CAP2: variants seen among roughly 807,000 people sequenced by gnomAD.
CAP2 encodes cyclase associated actin cytoskeleton regulatory protein 2.
In CAP2, 24 loss-of-function variants were observed where a neutral mutation model predicts 57.7. The observed-to-expected ratio is 0.42, with a 90% CI of 0.30 to 0.58. The LOEUF (loss-of-function observed/expected upper bound fraction) is 0.58. Ranked by LOEUF, CAP2 falls within the 20% of genes least tolerant of loss-of-function variation. The pLI is 0.22. For missense variants in CAP2, 501 were observed against 590.3 expected (o/e 0.85, Z 1.57); for synonymous variants, 194 against 207.2 (o/e 0.94, Z 0.55).
chr6:17,486,294 G>C (rs1451480054), intron 4 of CAP2, among the ~76,000 whole-genome samples: 2 of 152,206 alleles, frequency 1.3e-5, no homozygotes, highest in African/African-American at 4.8e-5. Flanking sequence ...ATTTTCTCAA[G>C]GGAAAAACCT....
chr6:17,406,852 G>T (rs1758992597), intron 1 of CAP2, among the ~76,000 whole-genome samples: 1 of 152,082 alleles, frequency 6.6e-6, no homozygotes, highest in African/African-American at 2.4e-5. Context: ...CCCCTTTCCA[G>T]TTCCTCTGGC....
rs773266583 is a variant in CAP2 at position 17,438,433 on chromosome 6, G to GTTTTTTTTTTTTTTTTTTT, written c.222+11748_222+11766dup. Among the ~76,000 whole-genome samples the GTTTTTTTTTTTTTTTTTTT allele has an allele frequency of 3.4e-5, 2 of 58,374 alleles. 1 individual carries two copies. Among genetic ancestry groups the GTTTTTTTTTTTTTTTTTTT allele is most frequent in the African/African-American group, 2.0e-4 (2 of 9,978 alleles). The allele number at this position is 58,374 out of a possible 152,430, so 38.3% of individuals were successfully genotyped here. A position where few individuals can be genotyped will look rare whatever the true frequency, so the allele number is the denominator to read the frequency against. ...TTTGCTTGTTTGACCATCCAGAAGTGTTTTTTTTTTTTTTTTTTTTTTTGA... is the reference window on the plus strand; with the variant it reads ...TTTGCTTGTTTGACCATCCAGAAGTGTTTTTTTTTTTTTTTTTTTTTTTTTTTTTTTTTTTTTTTTTTGA... On this transcript the variant is annotated intron_variant, in intron 3 of 12. Transcript: ENST00000229922.
chr6:17,504,082 T>C (rs1280525377), intron 4 of CAP2, among the ~76,000 whole-genome samples: 2 of 152,198 alleles, frequency 1.3e-5, no homozygotes, highest in East Asian at 3.8e-4. Flanking sequence ...TCAGCATATG[T>C]CAGTTAGGAA....
At chr6:17,530,410 A>G (rs1581599460) in intron 7 of CAP2, among the ~76,000 whole-genome samples, 1 of 152,148 alleles carries the variant, frequency 6.6e-6, no homozygotes, top group African/African-American at 2.4e-5. Context: ...TTTAAAGTGT[A>G]TGATTGGAGA....
intron 4 of CAP2, among the ~76,000 whole-genome samples, chr6:17,475,865 C>A (rs1020909582): frequency 6.6e-6 from 1 of 152,216 alleles, no homozygotes; most frequent in African/African-American, 2.4e-5. Context: ...AACTGCAGCG[C>A]AGAAGAACTT....
chr6:17,469,211 C>G (rs917801246), intron 4 of CAP2, among the ~76,000 whole-genome samples: 12 of 152,240 alleles, frequency 7.9e-5, no homozygotes, highest in Non-Finnish European at 1.5e-4. Flanking sequence ...TGGGAGGTCT[C>G]CCACTGATGT....
At chr6:17,489,925 A>G (rs1022255616) in intron 4 of CAP2, among the ~76,000 whole-genome samples, 2 of 152,012 alleles carry the variant, frequency 1.3e-5, no homozygotes, top group Non-Finnish European at 2.9e-5. Context: ...GAAATGCTTG[A>G]GGTTGTCAAA....
At chr6:17,547,434 T>A (rs1375164233) in intron 11 of CAP2, among the ~76,000 whole-genome samples, 1 of 151,848 alleles carries the variant, frequency 6.6e-6, no homozygotes, top group African/African-American at 2.4e-5. Flanking sequence ...AAAATTCCCA[T>A]TAAAATTCTG....
chr6:17,394,909 AGT>A (rs1386874573), intron 1 of CAP2, among the ~76,000 whole-genome samples: 1 of 152,244 alleles, frequency 6.6e-6, no homozygotes, highest in Non-Finnish European at 1.5e-5. Flanking sequence ...AGACAATAAA[AGT>A]GTGTGAAATA....
chr6:17,502,800 C>A (rs908969101), intron 4 of CAP2, among the ~76,000 whole-genome samples: 1 of 152,118 alleles, frequency 6.6e-6, no homozygotes, highest in African/African-American at 2.4e-5. Context: ...TCAAAAATGT[C>A]ATTACATTAA....
intron 2 of CAP2, 87 bp downstream of exon 2, chr6:17,421,763 A>G: frequency 3.4e-6 from 5 of 1,470,340 alleles, no homozygotes; most frequent in Non-Finnish European, 3.8e-6. Context: ...GAACATTTCT[A>G]TTATCCTTCA....
At chr6:17,418,127 A>G (rs1209667388) in intron 1 of CAP2, among the ~76,000 whole-genome samples, 1 of 152,120 alleles carries the variant, frequency 6.6e-6, no homozygotes, top group East Asian at 1.9e-4. Flanking sequence ...GGCTGAGGGT[A>G]TATCGGGAGA....
chr6:17,479,170 G>T (rs1761225878), intron 4 of CAP2, among the ~76,000 whole-genome samples: 1 of 152,144 alleles, frequency 6.6e-6, no homozygotes, highest in Middle Eastern at 3.2e-3. Flanking sequence ...GTGTCCTCCA[G>T]GAGCTCAAAT....
Position 17,543,078 on chromosome 6 carries a change from G to A in CAP2, c.1144G>A (p.Gly382Ser), listed in dbSNP as rs752890966. The A allele has an allele frequency of 8.1e-6, 13 of 1,613,882 alleles. No homozygotes were observed. In the Admixed American group the frequency reaches 8.3e-5, roughly 10 times the overall value. ...CCCCACAGACAACTGTAAAAAACTC[G>A]GCCTGGTGTTTGACAATGTGGTGGG... ...SIIIDNCKKL[G>S]LVFDNVVGIV... Residue 382 changes from glycine (G) to serine (S), a missense_variant, in exon 11 of 13, where the codon GGC (glycine) becomes AGC (serine). Transcript: ENST00000229922.
At chr6:17,462,134 C>T (rs747338555) in intron 3 of CAP2, among the ~76,000 whole-genome samples, 1 of 151,694 alleles carries the variant, frequency 6.6e-6, no homozygotes, top group Non-Finnish European at 1.5e-5. Flanking sequence ...GCCATTCCTG[C>T]TTACACGTCT....
chr6:17,544,922 G>A (rs563477179), intron 11 of CAP2, among the ~76,000 whole-genome samples: 2 of 152,056 alleles, frequency 1.3e-5, no homozygotes, highest in African/African-American at 2.4e-5. Flanking sequence ...AAACTATTAC[G>A]CATGCAAATT....
intron 4 of CAP2, among the ~76,000 whole-genome samples, chr6:17,474,441 C>A (rs1761098693): frequency 6.6e-6 from 1 of 152,084 alleles, no homozygotes; most frequent in Non-Finnish European, 1.5e-5. Flanking sequence ...AGATCTTTGT[C>A]AGGCCTTGTT....
At chr6:17,447,882 G>A (rs1212011844) in intron 3 of CAP2, among the ~76,000 whole-genome samples, 1 of 152,216 alleles carries the variant, frequency 6.6e-6, no homozygotes, top group Non-Finnish European at 1.5e-5. Context: ...TGTGTAGTAA[G>A]GGGTAGAGTT....
intron 7 of CAP2, among the ~76,000 whole-genome samples, chr6:17,532,502 T>C (rs967576461): frequency 6.7e-6 from 1 of 149,462 alleles, no homozygotes; most frequent in Admixed American, 6.6e-5. Flanking sequence ...TCCCAACACT[T>C]TGGGAGGCCG....
Sources: allele counts gnomAD v4.1 joint callset (sites outside exome capture counted in the v4.1 genomes callset), GRCh38; gene constraint gnomAD v4.1.1; transcripts MANE v1.5; gene names NCBI Gene and HGNC (gene_info 2026-07-23, HGNC 2026-07-21).